The following FSTL4 variants were observed in gnomAD, a reference collection of about 807,000 sequenced individuals.
FSTL4 encodes the protein follistatin-related protein 4.
In FSTL4, 28 loss-of-function variants were observed where a neutral mutation model predicts 78.2. That is an observed-to-expected ratio of 0.36 (90% CI 0.27 to 0.49). FSTL4 has a LOEUF of 0.49. FSTL4 is among the 20% of genes least tolerant of loss of function. The probability of loss-of-function intolerance (pLI) is 0.98; values close to 1 mark genes in which losing one functional copy is unlikely to be tolerated. For missense variants in FSTL4, 922 were observed against 1,084.9 expected, an observed-to-expected ratio of 0.85 and a Z score of 2.11; for synonymous variants, 422 against 440.5, an observed-to-expected ratio of 0.96 and a Z score of 0.53.
chr5:133,243,236 G>GA (rs145643247), intron 7 of FSTL4, among the ~76,000 whole-genome samples: 9,214 of 149,186 alleles, frequency 0.062, 944 homozygotes, highest in African/African-American at 0.21. Flanking sequence ...GAGATTCAGT[G>GA]AAAAAAAAAC....
intron 3 of FSTL4, among the ~76,000 whole-genome samples, chr5:133,459,356 T>C (rs893577884): frequency 6.6e-6 from 1 of 151,932 alleles, no homozygotes; most frequent in African/African-American, 2.4e-5. Context: ...CCACCACCCA[T>C]GAAGAGTCTG....
In FSTL4 at chr5:133,595,908, G is replaced by A. The variant is rs559546105; in HGVS notation, c.126+7950C>T. ...GCCTCCGGGGCCCTCTGAGTTGAGGGTGCACTTGAAGCAAAGGCAGGGCCG... is the reference window on the plus strand; with the variant it reads ...GCCTCCGGGGCCCTCTGAGTTGAGGATGCACTTGAAGCAAAGGCAGGGCCG... On this transcript the variant is annotated intron_variant, in intron 2 of 15. Coordinates refer to ENST00000265342, the MANE Select transcript of FSTL4 (RefSeq NM_015082.2). 1.4e-4 allele frequency among the ~76,000 whole-genome samples: 22 copies of A among 152,352 alleles called. No individual in the cohort carries two copies. In the South Asian group the frequency reaches 3.5e-3, roughly 24 times the overall value.
At chr5:133,557,011 C>T (rs1190034887) in intron 3 of FSTL4, among the ~76,000 whole-genome samples, 2 of 152,082 alleles carry the variant, frequency 1.3e-5, no homozygotes, top group African/African-American at 2.4e-5. Flanking sequence ...GGGGTAAAAC[C>T]CCTCTCAAGT....
At chr5:133,446,540 C>T (rs901090434) in intron 3 of FSTL4, among the ~76,000 whole-genome samples, 6 of 152,198 alleles carry the variant, frequency 3.9e-5, no homozygotes, top group Non-Finnish European at 4.4e-5. Context: ...CACTGGCACT[C>T]CCCCCACTCC....
chr5:133,431,452 G>A (rs1468429655), intron 3 of FSTL4, among the ~76,000 whole-genome samples: 1 of 152,212 alleles, frequency 6.6e-6, no homozygotes, highest in Non-Finnish European at 1.5e-5. Flanking sequence ...GAGCCACCAT[G>A]TAGGAGATCT....
At position 133,225,345 on chromosome 5, in the gene FSTL4, A is replaced by T. The variant is rs1751295614; in HGVS notation, c.1178-61T>A. 6.2e-7 allele frequency: 1 copy of T among 1,604,574 alleles called. No individual in the cohort carries two copies. Among genetic ancestry groups the T allele is most frequent in the Non-Finnish European group, 8.5e-7 (1 of 1,172,532 alleles). Reference sequence around the variant, plus strand: ...GCTGGAGACCCACTCACTTTCCTTTATGGGGCCATTGAGAGTGTTAGGGCT... The same window carrying T: ...GCTGGAGACCCACTCACTTTCCTTTTTGGGGCCATTGAGAGTGTTAGGGCT... On this transcript the variant is annotated intron_variant, in intron 9 of 15. Transcript: ENST00000265342. The surrounding 1 kb of genome is among the most constrained non-coding windows in gnomAD (Gnocchi z 4.6).
chr5:133,225,200 A>C lies in FSTL4; in HGVS notation c.1262T>G (p.Val421Gly). ...YTCIAKNEVG[V>G]DEDISSLFIE... ...GAAGAGCGAGGAGATATCTTCATCC[A>C]CACCCACTTCATTTTTGGCAATGCA... Residue 421 changes from valine to glycine, a missense_variant, in exon 10 of 16, where the codon GTG becomes GGG. By Grantham distance (109) the Val-to-Gly change is moderately radical (BLOSUM62 -3). Coordinates refer to ENST00000265342, the MANE Select transcript of FSTL4 (RefSeq NM_015082.2). The surrounding 1 kb of genome is among the most constrained non-coding windows in gnomAD (Gnocchi z 4.6). 1 of 1,614,134 alleles carries C rather than the reference A, an allele frequency of 6.2e-7. No homozygotes were observed. Among genetic ancestry groups the C allele is most frequent in the Non-Finnish European group, 8.5e-7 (1 of 1,180,016 alleles).
the FSTL4 span, among the ~76,000 whole-genome samples, chr5:133,772,634 GAAGGTAGAAAAGCAAGAGA>G: frequency 6.6e-6 from 1 of 152,126 alleles, no homozygotes; most frequent in East Asian, 1.9e-4. Flanking sequence ...TTCCATGGAG[GAAGGTAGAAAAGCAAGAGA>G]ACACATGTGC....
intron 6 of FSTL4, among the ~76,000 whole-genome samples, chr5:133,301,598 G>C (rs1753541770): frequency 6.6e-6 from 1 of 152,090 alleles, no homozygotes; most frequent in Admixed American, 6.5e-5. Context: ...AGTCCTTTGG[G>C]GCCCATTCCC....
chr5:133,684,641 C>T, the FSTL4 span, among the ~76,000 whole-genome samples: 1 of 152,186 alleles, frequency 6.6e-6, no homozygotes, highest in African/African-American at 2.4e-5. Context: ...TATCCAGGGA[C>T]TCATCATTGA....
the FSTL4 span, among the ~76,000 whole-genome samples, chr5:133,656,222 A>T: frequency 6.6e-6 from 1 of 152,112 alleles, no homozygotes. Context: ...CTGTGTTGTC[A>T]AGCAAGTTAC....
At chr5:133,620,831 G>A in the FSTL4 span, among the ~76,000 whole-genome samples, 1 of 152,156 alleles carries the variant, frequency 6.6e-6, no homozygotes, top group Non-Finnish European at 1.5e-5. Context: ...CACTGCTGGT[G>A]GGAATGTAAA....
At chr5:133,555,015 T>C (rs1273935417) in intron 3 of FSTL4, among the ~76,000 whole-genome samples, 1 of 152,216 alleles carries the variant, frequency 6.6e-6, no homozygotes, top group Non-Finnish European at 1.5e-5. Flanking sequence ...GTTATTCCAA[T>C]GTAGCACCTG....
chr5:133,698,059 T>A, the FSTL4 span, among the ~76,000 whole-genome samples: 1 of 152,194 alleles, frequency 6.6e-6, no homozygotes, highest in Non-Finnish European at 1.5e-5. Flanking sequence ...TTATTAAGCA[T>A]CACTGTGAAT....
At chr5:133,790,590 G>A in the FSTL4 span, among the ~76,000 whole-genome samples, 9 of 152,140 alleles carry the variant, frequency 5.9e-5, no homozygotes, top group African/African-American at 2.2e-4. Context: ...CAGGACTCCA[G>A]ATGAACGAAG....
chr5:133,258,424 T>A (rs923278779), intron 6 of FSTL4, among the ~76,000 whole-genome samples: 1 of 152,142 alleles, frequency 6.6e-6, no homozygotes, highest in Non-Finnish European at 1.5e-5. Context: ...ATAGAAAAAA[T>A]GAGCCTGGGT....
At chr5:133,819,806 C>T in the FSTL4 span, among the ~76,000 whole-genome samples, 2 of 152,198 alleles carry the variant, frequency 1.3e-5, no homozygotes, top group Non-Finnish European at 2.9e-5. Flanking sequence ...GGCTGAGGGA[C>T]CTCCACATCA....
At chr5:133,443,321 T>A (rs1358839149) in intron 3 of FSTL4, among the ~76,000 whole-genome samples, 1 of 152,206 alleles carries the variant, frequency 6.6e-6, no homozygotes, top group Non-Finnish European at 1.5e-5. Flanking sequence ...AATTGCAACA[T>A]TTAAGGATTC....
the FSTL4 span, among the ~76,000 whole-genome samples, chr5:133,750,894 T>C: frequency 6.6e-6 from 1 of 152,060 alleles, no homozygotes; most frequent in South Asian, 2.1e-4. Context: ...GTCAGAAGTC[T>C]ACAGCCCTGA....
Sources: gnomAD v4.1 joint callset for allele counts (sites outside exome capture counted in the v4.1 genomes callset) on GRCh38, gnomAD v4.1.1 for gene constraint, Gnocchi (gnomAD v3.1) non-coding constraint, MANE v1.5 for transcripts, NCBI Gene and HGNC (gene_info 2026-07-23, HGNC 2026-07-21) for gene names.